ZNF600: variants seen among roughly 807,000 people sequenced by gnomAD.
ZNF600 encodes zinc finger protein 600.
In ZNF600, 4 loss-of-function variants were observed where a neutral mutation model predicts 7.3. The ratio of observed to expected loss-of-function variants is 0.55; its 90% confidence interval spans 0.27 to 1.25. ZNF600 has a LOEUF of 1.25. Among genes scored for constraint, ZNF600 ranks in the 50% most tolerant of loss-of-function variants. The pLI is 0.12. For missense variants in ZNF600, 911 were observed against 922.1 expected, an observed-to-expected ratio of 0.99 and a Z score of 0.16; for synonymous variants, 290 against 308.9, an observed-to-expected ratio of 0.94 and a Z score of 0.64.
chr19:52,809,997 G>T, the ZNF600 span: 2 of 764,632 alleles, frequency 2.6e-6, no homozygotes. Context: ...ACTGGAGCCT[G>T]AGGAGCTGCT....
Position 52,766,329 on chromosome 19 carries a change from T to C in ZNF600, c.1634A>G (p.Asp545Gly), listed in dbSNP as rs763874952. The change falls in exon 4 of 4, where the codon GAC (aspartate) becomes GGC (glycine). Residue 545 changes from aspartate to glycine, a missense_variant. By Grantham distance (94) the Asp-to-Gly change is moderately conservative. Transcript: ENST00000648973. ...ATAGGAATGACACGCAAAAGCCTTG[T>C]CACAAACCTTACATTTGTATGGTTT... The C allele has an allele frequency of 4.3e-6, 7 of 1,614,212 alleles. No individual in the cohort carries two copies. In the East Asian group the frequency reaches 1.3e-4, roughly 31 times the overall value.
chr19:52,807,974 C>A, the ZNF600 span: 1 of 1,611,936 alleles, frequency 6.2e-7, no homozygotes. Context: ...TACAAAGATA[C>A]ACAAGGGCAC....
chr19:52,807,724 C>T, the ZNF600 span, among the ~76,000 whole-genome samples: 7 of 152,226 alleles, frequency 4.6e-5, no homozygotes, highest in Non-Finnish European at 5.9e-5. Flanking sequence ...ATCCACACGC[C>T]TTGGCCTCCC....
At chr19:52,828,893 CCCT>C in the ZNF600 span, among the ~76,000 whole-genome samples, 12 of 152,114 alleles carry the variant, frequency 7.9e-5, no homozygotes, top group African/African-American at 2.9e-4. Context: ...CGGGGTCTCC[CCCT>C]GTCACCCAGG....
chr19:52,771,534 C>T (rs1033386157), intron 3 of ZNF600, among the ~76,000 whole-genome samples: 2 of 151,842 alleles, frequency 1.3e-5, no homozygotes, highest in African/African-American at 4.8e-5. Flanking sequence ...AGTGCAGTGG[C>T]GCAATCATGG....
Position 52,767,792 on chromosome 19 carries a change from A to C in ZNF600, c.191-20T>G, listed in dbSNP as rs189818744. On this transcript the variant is annotated intron_variant, in intron 3 of 3. Transcript: ENST00000648973. ...AGATATCTACAAAATATAAACAACA[A>C]TAGGTTTCCAATTAAGTACAGATGG... 9 of 1,534,262 alleles carry C rather than the reference A, an allele frequency of 5.9e-6. No individual in the cohort carries two copies. In the South Asian group the frequency reaches 1.2e-4, roughly 20 times the overall value.
At chr19:52,810,845 C>A in the ZNF600 span, 8 of 126,376 alleles carry the variant, frequency 6.3e-5, no homozygotes, top group African/African-American at 6.5e-4. Context: ...AAGAGTCCCT[C>A]TCCCTCTCCC....
chr19:52,774,616 C>G (rs895728405), exon 3 of ZNF600: 3 of 985,252 alleles, frequency 3.0e-6, no homozygotes, highest in South Asian at 9.4e-5. Context: ...CATCACTTCC[C>G]TGTACAAAGC....
chr19:52,831,342 C>T, the ZNF600 span, among the ~76,000 whole-genome samples: 15 of 151,994 alleles, frequency 9.9e-5, no homozygotes, highest in African/African-American at 3.6e-4. Flanking sequence ...TGGAGTGTCA[C>T]TCTATTGCTC....
chr19:52,815,671 A>G, the ZNF600 span, among the ~76,000 whole-genome samples: 233 of 145,908 alleles, frequency 1.6e-3, 37 homozygotes, highest in African/African-American at 5.7e-3. Context: ...AAAAATACAA[A>G]AAAATTAGCT....
chr19:52,814,613 G>A, the ZNF600 span, among the ~76,000 whole-genome samples: 20 of 144,732 alleles, frequency 1.4e-4, 2 homozygotes, highest in African/African-American at 5.2e-4. Flanking sequence ...AAAGCTGGGC[G>A]AGGTGGCTCA....
the ZNF600 span, among the ~76,000 whole-genome samples, chr19:52,819,165 G>T: frequency 7.2e-6 from 1 of 138,488 alleles, no homozygotes; most frequent in Non-Finnish European, 1.5e-5. Context: ...TCAGATGAGG[G>T]TAAGCTCCCA....
the ZNF600 span, chr19:52,798,519 TA>T: frequency 2.0e-6 from 1 of 511,122 alleles, no homozygotes; most frequent in East Asian, 5.6e-5. Flanking sequence ...ATGACATTTG[TA>T]AGATTTCTGT....
chr19:52,787,352 C>T (rs1207767204), upstream of ZNF600, among the ~76,000 whole-genome samples: 1 of 151,778 alleles, frequency 6.6e-6, no homozygotes, highest in Non-Finnish European at 1.5e-5. Context: ...GACAAAGTAA[C>T]ACCCCCTAAC....
the ZNF600 span, among the ~76,000 whole-genome samples, chr19:52,811,389 C>T: frequency 6.1e-5 from 9 of 146,450 alleles, no homozygotes; most frequent in Non-Finnish European, 1.3e-4. Flanking sequence ...TGCCTGGCTG[C>T]CCAGTCTGGA....
chr19:52,781,443 A>C (rs1393185346), intron 1 of ZNF600: 1 of 152,154 alleles, frequency 6.6e-6, no homozygotes, highest in African/African-American at 2.4e-5. Flanking sequence ...GGAAGGCCCA[A>C]TAGGCTGCCT....
intron 3 of ZNF600, among the ~76,000 whole-genome samples, chr19:52,770,190 C>T (rs2062620062): frequency 6.6e-6 from 1 of 152,008 alleles, no homozygotes; most frequent in African/African-American, 2.4e-5. Context: ...ACCTGTAATC[C>T]CAGTACTTTG....
At chr19:52,775,022 T>C (rs2062662239) in intron 2 of ZNF600, among the ~76,000 whole-genome samples, 1 of 151,910 alleles carries the variant, frequency 6.6e-6, no homozygotes, top group Admixed American at 6.6e-5. Flanking sequence ...GGCAGATTAT[T>C]TGATGTCAAG....
At chr19:52,791,278 C>T (rs12462249), upstream of ZNF600, among the ~76,000 whole-genome samples, 11,864 of 152,230 alleles carry the variant, frequency 0.078, 758 homozygotes, top group South Asian at 0.19. Flanking sequence ...TGAGCCCTTC[C>T]CAGGACCATG....
Sources: gnomAD v4.1 joint callset for allele counts (sites outside exome capture counted in the v4.1 genomes callset) on GRCh38, gnomAD v4.1.1 for gene constraint, MANE v1.5 for transcripts, NCBI Gene and HGNC (gene_info 2026-07-23, HGNC 2026-07-21) for gene names.